MRI1: variants seen among roughly 807,000 people sequenced by gnomAD.
The protein encoded by MRI1 is methylthioribose-1-phosphate isomerase 1.
Under a neutral mutation model 27.3 loss-of-function variants are expected in MRI1, and 32 were observed. That is an observed-to-expected ratio of 1.17 (90% CI 0.88 to 1.57). The LOEUF (loss-of-function observed/expected upper bound fraction) is 1.57. Ranked by LOEUF, MRI1 falls within the 40% of genes most tolerant of loss-of-function variation. The pLI, the probability that MRI1 is intolerant of heterozygous loss-of-function variation, is 0.00. For synonymous variants in MRI1, 216 were observed against 227.4 expected (o/e 0.95, Z 0.45); for missense variants, 508 against 516.1 (o/e 0.98, Z 0.15).
chr19:13,769,056 GCC>G lies in MRI1; in HGVS notation c.949+12_949+13del. 6.3e-7 allele frequency: 1 copy of G among 1,596,274 alleles called. No individual in the cohort carries two copies. Among genetic ancestry groups the G allele is most frequent in the Non-Finnish European group, 8.6e-7 (1 of 1,168,276 alleles). The stretch of plus-strand genomic sequence containing the variant: ...TCCGGATTGCAGCACCTGGTAAGCT[GCC>G]CCCTCAGAAAGGGGACACCCCAGCT... On this transcript the variant is annotated intron_variant, in intron 5 of 5. Transcript: ENST00000040663.
intron 2 of MRI1, 32 bp downstream of exon 2, chr19:13,765,141 A>G: frequency 1.4e-6 from 2 of 1,473,874 alleles, no homozygotes; most frequent in South Asian, 1.3e-5. Context: ...CACGGCGCTG[A>G]GCAGGAATTA....
At chr19:13,767,033 ATATATTTTTTTTTTTTTTTT>A (rs1316234217) in intron 3 of MRI1, among the ~76,000 whole-genome samples, 107 of 17,200 alleles carry the variant, frequency 6.2e-3, no homozygotes, top group Middle Eastern at 0.045. Flanking sequence ...ATATATATAT[ATATATTTTTTTTTTTTTTTT>A]TTTTTTTTTT....
In MRI1 at chr19:13,764,540, C is replaced by G; in HGVS notation, c.-49C>G. On this transcript the variant is annotated 5_prime_UTR_variant, in exon 1 of 6. Coordinates refer to ENST00000040663, the MANE Select transcript of MRI1 (RefSeq NM_001031727.4). ...CGGCCCCGCCCCGCTCCCAAGTGCG[C>G]GCGGACCCCTAGCTCCCTCTGAGTT... 1 of 1,590,190 alleles carries G rather than the reference C, an allele frequency of 6.3e-7. No homozygotes were observed. Among genetic ancestry groups the G allele is most frequent in the Middle Eastern group, 1.9e-4 (1 of 5,180 alleles).
intron 3 of MRI1, 106 bp downstream of exon 3, chr19:13,766,235 A>G: frequency 9.0e-7 from 1 of 1,113,178 alleles, no homozygotes; most frequent in Non-Finnish European, 1.2e-6. Flanking sequence ...AAAAAATGGG[A>G]AGGTACTAGT....
chr19:13,768,523 T>TC, intron 3 of MRI1, 38 bp from the exon 4 acceptor site: 2 of 1,594,644 alleles, frequency 1.3e-6, no homozygotes, highest in Non-Finnish European at 1.7e-6. Context: ...TGTTTGCCCC[T>TC]CCCCGGGGCC....
At chr19:13,769,069 G>C in intron 5 of MRI1, 21 bp downstream of exon 5, 5 of 1,583,836 alleles carry the variant, frequency 3.2e-6, no homozygotes, top group Admixed American at 1.7e-5. Flanking sequence ...CCCTCAGAAA[G>C]GGGACACCCC....
chr19:13,771,597 C>T (rs1345821601), intron 5 of MRI1, among the ~76,000 whole-genome samples: 3 of 152,000 alleles, frequency 2.0e-5, no homozygotes, highest in Non-Finnish European at 2.9e-5. Context: ...TGCGGTGGCT[C>T]ACGCCTGTAA....
intron 3 of MRI1, 24 bp downstream of exon 3, chr19:13,766,153 A>AG (rs1568307569): frequency 6.7e-7 from 1 of 1,500,442 alleles, no homozygotes; most frequent in South Asian, 1.3e-5. Flanking sequence ...CTCAGGGGGT[A>AG]GGGGAGGGCC....
At chr19:13,766,722 G>C (rs1399288421) in intron 3 of MRI1, among the ~76,000 whole-genome samples, 1 of 152,026 alleles carries the variant, frequency 6.6e-6, no homozygotes, top group East Asian at 1.9e-4. Flanking sequence ...TTAATGGAAA[G>C]ACCTCTGCCT....
At chr19:13,771,364 T>C (rs996096555) in intron 5 of MRI1, among the ~76,000 whole-genome samples, 2 of 151,110 alleles carry the variant, frequency 1.3e-5, no homozygotes, top group African/African-American at 4.9e-5. Flanking sequence ...CAAAACTCCA[T>C]CTCAAAAAAA....
In MRI1 at chr19:13,768,720, C is replaced by T; in HGVS notation, c.707C>T (p.Ala236Val). Reference sequence around the variant, plus strand: ...GACAGCATGGTGGCTGCTGCCATGGCCCATAGGGGCGTGTCAGGTAAGCAG... The same window carrying T: ...GACAGCATGGTGGCTGCTGCCATGGTCCATAGGGGCGTGTCAGGTAAGCAG... ...ITDSMVAAAM[A>V]HRGVSAVVVG... The change falls in exon 4 of 6, where the codon GCC becomes GTC. Residue 236 changes from alanine to valine, a missense_variant. This residue lies in a region of MRI1 where 457 missense variants were observed against 452.8 expected (regional missense o/e 1.01). Transcript: ENST00000040663. 1 of 1,613,352 alleles carries T rather than the reference C, an allele frequency of 6.2e-7. No individual in the cohort carries two copies. Among genetic ancestry groups the T allele is most frequent in the South Asian group, 1.1e-5 (1 of 91,050 alleles).
chr19:13,772,176 T>G lies in MRI1; in HGVS notation c.1005T>G (p.Gly335=). ...FDVTPHDLIT[G]GIITELGVFA... ...TCACCCCCCACGACCTCATCACTGG[T>G]GGCATCATCACAGAACTGGGGGTCT... The change falls in exon 6 of 6, where the codon GGT becomes GGG. Residue 335 remains glycine (G), a synonymous_variant. Transcript: ENST00000040663. 6.2e-7 allele frequency: 1 copy of G among 1,614,080 alleles called. No homozygotes were observed. The highest frequency in any genetic ancestry group is 8.5e-7 in the Non-Finnish European group (1 of 1,179,984).
chr19:13,766,192 A>C, intron 3 of MRI1, 63 bp downstream of exon 3: 4 of 1,436,524 alleles, frequency 2.8e-6, no homozygotes, highest in Non-Finnish European at 3.7e-6. Context: ...ATACAAGAGA[A>C]AGAATCCCAA....
intron 2 of MRI1, among the ~76,000 whole-genome samples, chr19:13,765,502 C>T (rs1974102538): frequency 6.6e-6 from 1 of 152,168 alleles, no homozygotes; most frequent in Non-Finnish European, 1.5e-5. Context: ...CTGCTCCAGC[C>T]CTCCCTGCAA....
chr19:13,764,569 C>T lies in MRI1; in HGVS notation c.-20C>T. Reference sequence around the variant, plus strand: ...GACCCCTAGCTCCCTCTGAGTTGCGCTGGGCTTGGCTGCTGCACCATGACC... The same window carrying T: ...GACCCCTAGCTCCCTCTGAGTTGCGTTGGGCTTGGCTGCTGCACCATGACC... On this transcript the variant is annotated 5_prime_UTR_variant, in exon 1 of 6. Coordinates refer to ENST00000040663, the MANE Select transcript of MRI1 (RefSeq NM_001031727.4). 1 of 1,604,446 alleles carries T rather than the reference C, an allele frequency of 6.2e-7. No individual in the cohort carries two copies. Among genetic ancestry groups the T allele is most frequent in the Non-Finnish European group, 8.5e-7 (1 of 1,176,718 alleles).
In MRI1 at chr19:13,765,026, G is replaced by A. The variant is rs1974087466; in HGVS notation, c.288G>A (p.Met96Ile). Reference sequence around the variant, plus strand: ...CCGCCCGGCCCACCGCTGTCAACATGGCCCGCGCCGCCCGCGACCTGGCTG... The same window carrying A: ...CCGCCCGGCCCACCGCTGTCAACATAGCCCGCGCCGCCCGCGACCTGGCTG... ...LVTARPTAVN[M>I]ARAARDLADV... Residue 96 changes from methionine to isoleucine, a missense_variant, in exon 2 of 6, where the codon ATG becomes ATA. Met to Ile is a conservative substitution (Grantham distance 10). Transcript: ENST00000040663. 6.6e-7 allele frequency: 1 copy of A among 1,526,424 alleles called. No individual in the cohort carries two copies. The highest frequency in any genetic ancestry group is 8.8e-7 in the Non-Finnish European group (1 of 1,142,064). The allele number at this position is 1,526,424 out of a possible 1,614,324, so 94.6% of individuals were successfully genotyped here.
In MRI1 at chr19:13,765,072, G is replaced by A; in HGVS notation, c.334G>A (p.Glu112Lys). ...GGCTGATGTTGCAGCCCGGGAGGCC[G>A]AACGGGAGGGCGCTACGGAAGAGGC... ...DLADVAAREA[E>K]REGATEEAVR... Residue 112 changes from glutamate (E) to lysine (K), a missense_variant, in exon 2 of 6, where the codon GAA becomes AAA. Transcript: ENST00000040663. The A allele has an allele frequency of 6.5e-7, 1 of 1,529,290 alleles. No homozygotes were observed. Among genetic ancestry groups the A allele is most frequent in the Non-Finnish European group, 8.7e-7 (1 of 1,143,570 alleles). The allele number at this position is 1,529,290 out of a possible 1,614,324, so 94.7% of individuals were successfully genotyped here.
At chr19:13,768,763 C>G (rs369516347) in intron 4 of MRI1, 26 bp downstream of exon 4, 2 of 1,600,210 alleles carry the variant, frequency 1.2e-6, no homozygotes, top group Non-Finnish European at 1.7e-6. Flanking sequence ...GCCCTGGGGG[C>G]GGGGCTCTGG....
intron 3 of MRI1, 65 bp downstream of exon 3, chr19:13,766,194 G>A (rs1974121367): frequency 1.4e-6 from 2 of 1,435,282 alleles, no homozygotes; most frequent in Middle Eastern, 2.4e-4. Context: ...ACAAGAGAAA[G>A]AATCCCAAAC....
Sources: gnomAD v4.1 joint callset for allele counts (sites outside exome capture counted in the v4.1 genomes callset) on GRCh38, gnomAD v4.1.1 for gene constraint, gnomAD v4.1.1 regional missense constraint, MANE v1.5 for transcripts, NCBI Gene and HGNC (gene_info 2026-07-23, HGNC 2026-07-21) for gene names.